Variants in INTS6 observed in about 807,000 individuals in gnomAD.
INTS6 encodes the protein integrator complex subunit 6, also known as DEAD box protein.
A neutral mutation model predicts 104.9 loss-of-function variants in INTS6; 16 were observed. The observed-to-expected ratio is 0.15, with a 90% CI of 0.10 to 0.23. The LOEUF (loss-of-function observed/expected upper bound fraction) is 0.23. Ranked by LOEUF, INTS6 falls within the 10% of genes least tolerant of loss-of-function variation. INTS6 has a pLI of 1.00. For synonymous variants in INTS6, 324 were observed against 358.7 expected (o/e 0.90, Z 1.09); for missense variants, 584 against 1,062.8 (o/e 0.55, Z 6.26).
intron 15 of INTS6, among the ~76,000 whole-genome samples, chr13:51,369,733 C>A (rs891534677): frequency 1.3e-4 from 20 of 152,130 alleles, no homozygotes; most frequent in Admixed American, 6.6e-5. Flanking sequence ...AAAGTAAACA[C>A]TGGGTAGTTT....
chr13:51,391,321 G>A (rs755798597), intron 5 of INTS6, among the ~76,000 whole-genome samples: 5 of 151,934 alleles, frequency 3.3e-5, no homozygotes, highest in African/African-American at 4.8e-5. Flanking sequence ...CCTAAGTTGT[G>A]TCATCAATTA....
At chr13:51,355,233 A>T in intron 3 of INTS6, 18 of 516,824 alleles carry the variant, frequency 3.5e-5, no homozygotes, top group South Asian at 1.4e-4. Context: ...TTCAGAGTCA[A>T]CATTATGTAA....
At chr13:51,369,341 G>GTATGCTTTGAGACT in intron 15 of INTS6, 31 bp from the exon 16 acceptor site, 1 of 1,569,182 alleles carries the variant, frequency 6.4e-7, no homozygotes, top group Non-Finnish European at 8.6e-7. Flanking sequence ...AAAAAATTAT[G>GTATGCTTTGAGACT]GGATCCAGTC....
intron 12 of INTS6, among the ~76,000 whole-genome samples, chr13:51,376,520 T>C (rs1201131862): frequency 2.0e-5 from 3 of 152,196 alleles, no homozygotes; most frequent in South Asian, 2.1e-4. Flanking sequence ...TTATATACCA[T>C]AAAATCACCT....
chr13:51,384,011 A>C, intron 7 of INTS6: 1 of 236,914 alleles, frequency 4.2e-6, no homozygotes, highest in Non-Finnish European at 8.2e-6. Flanking sequence ...GTATTCATTA[A>C]TTTTTACATC....
the INTS6 span, among the ~76,000 whole-genome samples, chr13:51,345,166 C>T: frequency 5.3e-5 from 8 of 152,270 alleles, no homozygotes; most frequent in Non-Finnish European, 2.9e-5. Context: ...GGGGTAGGCG[C>T]TATTACTCTC....
At chr13:51,399,323 C>A (rs1015874950) in intron 4 of INTS6, among the ~76,000 whole-genome samples, 2 of 152,204 alleles carry the variant, frequency 1.3e-5, no homozygotes, top group African/African-American at 4.8e-5. Context: ...CTTCCTGCCT[C>A]AGCCTCCCAA....
At chr13:51,340,992 G>C in the INTS6 span, 1 of 1,386,894 alleles carries the variant, frequency 7.2e-7, no homozygotes, top group Non-Finnish European at 9.9e-7. Flanking sequence ...AACAGAGCTG[G>C]GGGTCCCAGT....
chr13:51,443,633 A>T (rs1372927477), intron 3 of INTS6: 1 of 152,168 alleles, frequency 6.6e-6, no homozygotes, highest in Admixed American at 6.5e-5. Context: ...CGTGGTGGAA[A>T]GACTGCTTGA....
chr13:51,379,034 T>C (rs984997578), intron 11 of INTS6, among the ~76,000 whole-genome samples: 10 of 152,032 alleles, frequency 6.6e-5, no homozygotes, highest in African/African-American at 2.4e-4. Flanking sequence ...TATTTATTAA[T>C]GTGACTTATG....
At chr13:51,423,528 A>G (rs1001333973) in intron 4 of INTS6, among the ~76,000 whole-genome samples, 1 of 152,098 alleles carries the variant, frequency 6.6e-6, no homozygotes, top group African/African-American at 2.4e-5. Context: ...TATGGGGTCT[A>G]AGGAGAGTCC....
Position 51,452,271 on chromosome 13 carries a change from G to A in INTS6, c.111+144C>T. On this transcript the variant is annotated intron_variant, in intron 1 of 17. Coordinates refer to ENST00000311234, the MANE Select transcript of INTS6 (RefSeq NM_012141.3). The surrounding 1 kb of genome is among the most constrained non-coding windows in gnomAD (Gnocchi z 4.2). ...CGAACCCGGCTCGCAGCGCCCGCCC[G>A]CCCGCGCGGTGGGGGAGGGGGTCCC... 2 of 894,862 alleles carry A rather than the reference G, an allele frequency of 2.2e-6. No homozygotes were observed. Among genetic ancestry groups the A allele is most frequent in the Non-Finnish European group, 2.8e-6 (2 of 702,178 alleles). 55.4% of individuals were successfully genotyped at this position (894,862 alleles called of 1,614,324 possible). A position where few individuals can be genotyped will look rare whatever the true frequency, so the allele number is the denominator to read the frequency against.
chr13:51,363,433 T>C lies in INTS6; in HGVS notation c.*2319A>G, dbSNP rs1021067450. 1 of 151,848 alleles carries C rather than the reference T, an allele frequency of 6.6e-6. No individual in the cohort carries two copies. The highest frequency in any genetic ancestry group is 2.4e-5 in the African/African-American group (1 of 41,380). 9.4% of individuals were successfully genotyped at this position (151,848 alleles called of 1,614,324 possible). On this transcript the variant is annotated 3_prime_UTR_variant, in exon 18 of 18. Coordinates refer to ENST00000311234, the MANE Select transcript of INTS6 (RefSeq NM_012141.3). ...GTTTAGAAATGAGTCTCAGCCTTCA[T>C]TATTTCCAACTGACAAATCTTACTA...
At chr13:51,387,572 TATATC>T in intron 6 of INTS6, 32 bp from the exon 7 acceptor site, 1 of 1,572,324 alleles carries the variant, frequency 6.4e-7, no homozygotes, top group African/African-American at 1.4e-5. Flanking sequence ...AAAGAAAGCA[TATATC>T]ATAAGGGGGG....
intron 3 of INTS6, chr13:51,450,795 A>T: frequency 8.6e-7 from 1 of 1,157,898 alleles, no homozygotes; most frequent in Non-Finnish European, 1.1e-6. Flanking sequence ...ACTTTATAGC[A>T]AAAGTTTCAG....
chr13:51,340,499 G>A, the INTS6 span, among the ~76,000 whole-genome samples: 3 of 152,102 alleles, frequency 2.0e-5, no homozygotes, highest in Non-Finnish European at 4.4e-5. Context: ...AGAAGACCAG[G>A]ATTTGAGTCA....
In INTS6 at chr13:51,362,133, G is replaced by T; in HGVS notation, c.*3619C>A. ...TTCTCTCAGCTCATATATAGTTAAT[G>T]TAGATTTTTTTTTTTAATGCTATAG... On this transcript the variant is annotated 3_prime_UTR_variant, in exon 18 of 18. Coordinates refer to ENST00000311234, the MANE Select transcript of INTS6 (RefSeq NM_012141.3). 2 of 1,302,286 alleles carry T rather than the reference G, an allele frequency of 1.5e-6. No homozygotes were observed. The highest frequency in any genetic ancestry group is 1.0e-6 in the Non-Finnish European group (1 of 1,002,218). 80.7% of individuals were successfully genotyped at this position (1,302,286 alleles called of 1,614,324 possible).
At chr13:51,406,503 G>A (rs527912437) in intron 4 of INTS6, among the ~76,000 whole-genome samples, 1 of 152,006 alleles carries the variant, frequency 6.6e-6, no homozygotes, top group East Asian at 1.9e-4. Context: ...TATGTCAGCA[G>A]GTTTTACTGA....
chr13:51,414,680 T>C (rs1956751528), intron 4 of INTS6, among the ~76,000 whole-genome samples: 1 of 152,168 alleles, frequency 6.6e-6, no homozygotes, highest in African/African-American at 2.4e-5. Context: ...ACTGAGTGGG[T>C]ATTTCTTAAA....
Sources: gnomAD v4.1 joint callset for allele counts (sites outside exome capture counted in the v4.1 genomes callset) on GRCh38, gnomAD v4.1.1 for gene constraint, Gnocchi (gnomAD v3.1) non-coding constraint, MANE v1.5 for transcripts, NCBI Gene and HGNC (gene_info 2026-07-23, HGNC 2026-07-21) for gene names.